Variants in FBXO41 observed in about 807,000 individuals in gnomAD.
FBXO41 encodes F-box only protein 41.
In FBXO41, 33 loss-of-function variants were observed where a neutral mutation model predicts 81.6. The ratio of observed to expected loss-of-function variants is 0.40; its 90% CI spans 0.31 to 0.54. The LOEUF (loss-of-function observed/expected upper bound fraction) is 0.54, where lower values mean the gene tolerates loss of function less well. Ranked by LOEUF, FBXO41 falls within the 20% of genes least tolerant of loss-of-function variation. The probability of loss-of-function intolerance (pLI) is 0.39; values close to 1 mark genes in which losing one functional copy is unlikely to be tolerated. For missense variants in FBXO41, 1,107 were observed against 1,236.0 expected (o/e 0.90, Z 1.56); for synonymous variants, 576 against 552.7 (o/e 1.04, Z -0.59).
chr2:73,264,377 C>T lies in FBXO41; in HGVS notation c.1707G>A (p.Leu569=), dbSNP rs1438082764. The T allele has an allele frequency of 1.1e-5, 17 of 1,613,704 alleles. No individual in the cohort carries two copies. Among genetic ancestry groups the T allele is most frequent in the Admixed American group, 3.3e-5 (2 of 60,014 alleles). The part of the protein sequence containing the change: ...CIFTYLDTRT[L]LHAAEVCRDW... ...CCCGGCAGACCTCGGCAGCATGCAGCAGTGTGCGCGTGTCCAGGTAGGTGA... is the reference window on the plus strand; with the variant it reads ...CCCGGCAGACCTCGGCAGCATGCAGTAGTGTGCGCGTGTCCAGGTAGGTGA... The change falls in exon 6 of 13, where the codon CTG becomes CTA. Residue 569 remains leucine, a synonymous_variant. Transcript: ENST00000520530.
At chr2:73,262,237 A>T (rs1370192322) in intron 9 of FBXO41, among the ~76,000 whole-genome samples, 2 of 152,050 alleles carry the variant, frequency 1.3e-5, no homozygotes, top group South Asian at 2.1e-4. Context: ...ACTAAATAAA[A>T]AAAAAAAAAG....
chr2:73,268,873 T>C lies in FBXO41; in HGVS notation c.758A>G (p.Gln253Arg), dbSNP rs1017084514. The change falls in exon 2 of 13, where the codon CAG (glutamine) becomes CGG (arginine). Residue 253 changes from glutamine to arginine, a missense_variant. Coordinates refer to ENST00000520530, the MANE Select transcript of FBXO41 (RefSeq NM_001371389.2). Reference sequence around the variant, plus strand: ...CTCGCGCCCGAGCCTCGCACTCTCCTGCCGCGCAGTCTCCAGTTCGGCCGC... The same window carrying C: ...CTCGCGCCCGAGCCTCGCACTCTCCCGCCGCGCAGTCTCCAGTTCGGCCGC... ...RKAAELETARQESARLGREKE... is the reference protein window; with the variant it reads ...RKAAELETARRESARLGREKE... 10 of 1,562,128 alleles carry C rather than the reference T, an allele frequency of 6.4e-6. No homozygotes were observed. Among genetic ancestry groups the C allele is most frequent in the Non-Finnish European group, 8.7e-6 (10 of 1,155,712 alleles).
chr2:73,269,172 C>T lies in FBXO41; in HGVS notation c.459G>A (p.Pro153=), dbSNP rs140730172. Residue 153 remains proline, a synonymous_variant, in exon 2 of 13, where the codon CCG becomes CCA. Coordinates refer to ENST00000520530, the MANE Select transcript of FBXO41 (RefSeq NM_001371389.2). This position sits in a 1 kb window ranked among gnomAD's most constrained non-coding sequence, Gnocchi z 7.0. ...ARYALREIEI[P]LGELFARKSV... ...ACTTGCGGGCGAACAGCTCCCCCAG[C>T]GGGATCTCGATCTCGCGCAGCGCAT... 1.5e-5 allele frequency: 23 copies of T among 1,526,258 alleles called. No individual in the cohort carries two copies. The African/African-American group carries it at 2.8e-4, about 19-fold the overall frequency. 94.5% of individuals were successfully genotyped at this position (1,526,258 alleles called of 1,614,324 possible). A position where few individuals can be genotyped will look rare whatever the true frequency, so the allele number is the denominator to read the frequency against.
rs564317387 is a variant in FBXO41 at position 73,276,009 on chromosome 2, C to G, written c.-138-6241G>C. On this transcript the variant is annotated intron_variant, in intron 1 of 12. Coordinates refer to ENST00000520530, the MANE Select transcript of FBXO41 (RefSeq NM_001371389.2). Reference sequence around the variant, plus strand: ...CCATGTTGGCCAGGCTGGTCTTGAACTCTTGACCTCAGGTGATCCACTTGC... The same window carrying G: ...CCATGTTGGCCAGGCTGGTCTTGAAGTCTTGACCTCAGGTGATCCACTTGC... Among the ~76,000 whole-genome samples, 16 of 151,512 alleles carry G rather than the reference C, an allele frequency of 1.1e-4. 2 individuals carry two copies. The highest frequency in any genetic ancestry group is 3.9e-4 in the African/African-American group (16 of 41,194).
intron 1 of FBXO41, among the ~76,000 whole-genome samples, chr2:73,274,917 G>A (rs1490691732): frequency 6.7e-6 from 1 of 148,288 alleles, no homozygotes; most frequent in Non-Finnish European, 1.5e-5. Flanking sequence ...GTATCGCTCT[G>A]TCGCCCAGGC....
intron 4 of FBXO41, 77 bp downstream of exon 4, chr2:73,265,814 GAC>G: frequency 2.0e-6 from 3 of 1,499,410 alleles, no homozygotes; most frequent in Non-Finnish European, 2.7e-6. Context: ...GCAGGAGGGT[GAC>G]ACAAGCCCCA....
Position 73,258,850 on chromosome 2 carries a change from TGACAGTCCC to T in FBXO41, c.*123_*131del, listed in dbSNP as rs1687907586. Reference sequence around the variant, plus strand: ...TGCTCCAGGAGGAGGACAGGAGACTTGACAGTCCCCCTCCAGAAGCCAGGGATAACACTC... The same window carrying T: ...TGCTCCAGGAGGAGGACAGGAGACTTCCTCCAGAAGCCAGGGATAACACTC... On this transcript the variant is annotated 3_prime_UTR_variant, in exon 13 of 13. Coordinates refer to ENST00000520530, the MANE Select transcript of FBXO41 (RefSeq NM_001371389.2). 1 of 998,172 alleles carries T rather than the reference TGACAGTCCC, an allele frequency of 1.0e-6. No individual in the cohort carries two copies. The highest frequency in any genetic ancestry group is 1.4e-6 in the Non-Finnish European group (1 of 696,752). 61.8% of individuals were successfully genotyped at this position (998,172 alleles called of 1,614,324 possible). A position where few individuals can be genotyped will look rare whatever the true frequency, so the allele number is the denominator to read the frequency against.
intron 1 of FBXO41, chr2:73,270,823 T>C (rs1455156516): frequency 9.4e-6 from 5 of 534,510 alleles, no homozygotes; most frequent in Admixed American, 7.8e-5. Flanking sequence ...CATTCCTCAC[T>C]GCCATCCTCT....
Position 73,258,824 on chromosome 2 carries a change from C to T in FBXO41, c.*158G>A. 1 of 809,756 alleles carries T rather than the reference C, an allele frequency of 1.2e-6. No individual in the cohort carries two copies. The highest frequency in any genetic ancestry group is 2.7e-5 in the East Asian group (1 of 37,052). The allele number at this position is 809,756 out of a possible 1,614,324, so 50.2% of individuals were successfully genotyped here. On this transcript the variant is annotated 3_prime_UTR_variant, in exon 13 of 13. Coordinates refer to ENST00000520530, the MANE Select transcript of FBXO41 (RefSeq NM_001371389.2). ...GCCCTGGGTCAGGCCTGTTGCTCTG[C>T]TGCTCCAGGAGGAGGACAGGAGACT...
intron 1 of FBXO41, among the ~76,000 whole-genome samples, chr2:73,282,440 C>T (rs2103922592): frequency 6.6e-6 from 1 of 152,286 alleles, no homozygotes; most frequent in Non-Finnish European, 1.5e-5. Context: ...AGGCTGTGCA[C>T]AGTGGCTATA....
At chr2:73,261,197 C>T (rs1394054243) in intron 9 of FBXO41, among the ~76,000 whole-genome samples, 1 of 152,126 alleles carries the variant, frequency 6.6e-6, no homozygotes, top group Non-Finnish European at 1.5e-5. Flanking sequence ...GACAGGACTA[C>T]AGGCATGCAC....
intron 1 of FBXO41, among the ~76,000 whole-genome samples, chr2:73,277,900 A>G (rs1008491610): frequency 2.0e-5 from 3 of 152,114 alleles, no homozygotes; most frequent in Non-Finnish European, 4.4e-5. Context: ...GCAACATCTC[A>G]TCCTTTCTTT....
intron 2 of FBXO41, among the ~76,000 whole-genome samples, chr2:73,267,998 T>C (rs1688329592): frequency 6.6e-6 from 1 of 152,202 alleles, no homozygotes; most frequent in African/African-American, 2.4e-5. Flanking sequence ...GGGCCATCTG[T>C]AGTTCATAAT....
intron 9 of FBXO41, among the ~76,000 whole-genome samples, chr2:73,261,392 T>G (rs1015583660): frequency 6.6e-6 from 1 of 152,152 alleles, no homozygotes; most frequent in Non-Finnish European, 1.5e-5. Flanking sequence ...CAGACCACCA[T>G]TGGCATTCTC....
In FBXO41 at chr2:73,260,822, C is replaced by T. The variant is rs760541730; in HGVS notation, c.2208G>A (p.Gln736=). 36 of 1,569,800 alleles carry T rather than the reference C, an allele frequency of 2.3e-5. No individual in the cohort carries two copies. The East Asian group carries it at 8.4e-4, about 37-fold the overall frequency. ...GGTGGGGCCAACAGCGACCAATCAT[C>T]TGCAGGCAGCGGTTACTGAAGCGTG... is the stretch of plus-strand genomic sequence containing the variant. The part of the protein sequence containing the change: ...QPTRFSNRCL[Q]MIGRCWPHLR... Residue 736 remains glutamine, a synonymous_variant, in exon 10 of 13, where the codon CAG becomes CAA. Coordinates refer to ENST00000520530, the MANE Select transcript of FBXO41 (RefSeq NM_001371389.2). This position sits in a 1 kb window ranked among gnomAD's most constrained non-coding sequence, Gnocchi z 5.0.
At chr2:73,281,678 C>T (rs1167565540) in intron 1 of FBXO41, among the ~76,000 whole-genome samples, 1 of 152,230 alleles carries the variant, frequency 6.6e-6, no homozygotes, top group Non-Finnish European at 1.5e-5. Context: ...TGTCCCTCTC[C>T]TGTTAGGCTC....
At chr2:73,270,523 G>A (rs554427957) in intron 1 of FBXO41, among the ~76,000 whole-genome samples, 2 of 152,172 alleles carry the variant, frequency 1.3e-5, no homozygotes, top group African/African-American at 4.8e-5. Context: ...CGCATGTGTC[G>A]CTGTTTGTTC....
Position 73,263,765 on chromosome 2 carries a change from C to T in FBXO41, c.1988G>A (p.Arg663His), listed in dbSNP as rs775115355. Residue 663 changes from arginine to histidine, a missense_variant, in exon 8 of 13, where the codon CGC becomes CAC. Arg to His is a conservative substitution (Grantham distance 29). Coordinates refer to ENST00000520530, the MANE Select transcript of FBXO41 (RefSeq NM_001371389.2). ...GAGGATGTTTGGACAGTGGGAGATG[C>T]GCAGGATCAGCAGGTTCCCCCCAGC... Reference protein sequence around the residue: ...KAAGGNLLILRISHCPNILTD... With the variant: ...KAAGGNLLILHISHCPNILTD... 46 of 1,613,900 alleles carry T rather than the reference C, an allele frequency of 2.9e-5. 1 individual carries two copies. The East Asian group carries it at 3.3e-4, about 12-fold the overall frequency.
rs776530331 is a variant in FBXO41 at position 73,260,524 on chromosome 2, C to A, written c.2314G>T (p.Val772Phe). The change falls in exon 11 of 13, where the codon GTC becomes TTC. Residue 772 changes from valine (V) to phenylalanine (F), a missense_variant. By Grantham distance (50) the Val-to-Phe change is conservative (BLOSUM62 -1). This residue lies in a region of FBXO41 where 336 missense variants were observed against 446.7 expected (regional missense o/e 0.75). Transcript: ENST00000520530. The surrounding 1 kb of genome is among the most constrained non-coding windows in gnomAD (Gnocchi z 5.0). ...TCTGACACGTGGTCAAGCTCCAGGA[C>A]CTGCAGCCGCATGCAGTTTCTCGCT... ...SLARNCMRLQ[V>F]LELDHVSEIT... 4 of 1,597,432 alleles carry A rather than the reference C, an allele frequency of 2.5e-6. No individual in the cohort carries two copies. The highest frequency in any genetic ancestry group is 1.1e-5 in the South Asian group (1 of 88,102).
Sources: allele counts gnomAD v4.1 joint callset (sites outside exome capture counted in the v4.1 genomes callset), GRCh38; gene constraint gnomAD v4.1.1; regional missense constraint gnomAD v4.1.1; non-coding constraint Gnocchi (gnomAD v3.1); transcripts MANE v1.5; gene names NCBI Gene and HGNC (gene_info 2026-07-23, HGNC 2026-07-21).